The following NKAIN2 variants were observed in gnomAD, a reference collection of about 807,000 sequenced individuals.
NKAIN2 encodes sodium/potassium transporting ATPase interacting 2, also known as sodium/potassium-transporting ATPase subunit beta-1-interacting protein 2.
Under a neutral mutation model 32.6 loss-of-function variants are expected in NKAIN2, and 14 were observed. That is an observed-to-expected ratio of 0.43 (90% CI 0.28 to 0.67). The LOEUF (loss-of-function observed/expected upper bound fraction) is 0.67, where lower values mean the gene tolerates loss of function less well. Ranked by LOEUF, NKAIN2 falls within the 30% of genes least tolerant of loss-of-function variation. The probability of loss-of-function intolerance (pLI) is 0.17; values close to 1 mark genes in which losing one functional copy is unlikely to be tolerated. For synonymous variants in NKAIN2, 80 were observed against 87.2 expected (o/e 0.92, Z 0.46); for missense variants, 198 against 258.3 (o/e 0.77, Z 1.60).
chr6:124,690,602 T>A (rs1774209417), intron 4 of NKAIN2, among the ~76,000 whole-genome samples: 1 of 152,200 alleles, frequency 6.6e-6, no homozygotes, highest in South Asian at 2.1e-4. Context: ...TAACTTACAT[T>A]TCTAGTTTAA....
chr6:123,993,313 A>G (rs765083578), intron 1 of NKAIN2, among the ~76,000 whole-genome samples: 3 of 152,188 alleles, frequency 2.0e-5, no homozygotes, highest in Non-Finnish European at 2.9e-5. Context: ...TTTGATCCTT[A>G]TAAGGGAATC....
intron 4 of NKAIN2, among the ~76,000 whole-genome samples, chr6:124,735,950 G>A (rs79917962): frequency 0.01 from 1,524 of 151,966 alleles, 15 homozygotes; most frequent in African/African-American, 0.035. Context: ...GAAAGGTAGA[G>A]CCAAATGTCT....
At chr6:124,078,786 TTG>T (rs71021477) in intron 1 of NKAIN2, among the ~76,000 whole-genome samples, 61,295 of 144,514 alleles carry the variant, frequency 0.42, 13,234 homozygotes, top group Non-Finnish European at 0.5. Flanking sequence ...TATGTCGTTT[TTG>T]TGTGTGTGTG....
In NKAIN2 at chr6:124,066,017, A is replaced by G. The variant is rs145669964; in HGVS notation, c.55-216988A>G. ...GAGATTAAAGAGAAGGAAGTGGGGA[A>G]CAACATAAGTCAAGCTAGAGATGGC... is the stretch of plus-strand genomic sequence containing the variant. On this transcript the variant is annotated intron_variant, in intron 1 of 6. Coordinates refer to ENST00000368417, the MANE Select transcript of NKAIN2 (RefSeq NM_001040214.3). Among the ~76,000 whole-genome samples the G allele has an allele frequency of 1.3e-4, 20 of 152,242 alleles. No individual in the cohort carries two copies. The East Asian group carries it at 3.7e-3, about 28-fold the overall frequency.
chr6:124,714,369 G>T (rs1265001800), intron 4 of NKAIN2, among the ~76,000 whole-genome samples: 1 of 152,164 alleles, frequency 6.6e-6, no homozygotes, highest in Admixed American at 6.5e-5. Flanking sequence ...TATCAACTAG[G>T]ACACTTGCTA....
chr6:123,900,757 C>T, intron 1 of NKAIN2, among the ~76,000 whole-genome samples: 1 of 151,824 alleles, frequency 6.6e-6, no homozygotes, highest in Non-Finnish European at 1.5e-5. Context: ...ATTTTTATGT[C>T]AGAAGCTGAC....
intron 1 of NKAIN2, among the ~76,000 whole-genome samples, chr6:124,220,447 C>A (rs1207527293): frequency 2.0e-5 from 2 of 100,018 alleles, no homozygotes; most frequent in Admixed American, 1.1e-4. Flanking sequence ...TGTATGCACT[C>A]TCCTTTTTTT....
At chr6:124,799,527 T>C (rs141594822) in intron 5 of NKAIN2, among the ~76,000 whole-genome samples, 156 of 152,294 alleles carry the variant, frequency 1.0e-3, no homozygotes, top group African/African-American at 3.6e-3. Flanking sequence ...AAGTCAAGAA[T>C]ATGAGGGGAA....
chr6:124,599,603 A>T (rs1055024048), intron 3 of NKAIN2, among the ~76,000 whole-genome samples: 3 of 152,144 alleles, frequency 2.0e-5, no homozygotes, highest in Non-Finnish European at 4.4e-5. Flanking sequence ...AAGATGGTGG[A>T]TACTTCTTGG....
At chr6:124,753,789 G>A (rs1583797447) in intron 4 of NKAIN2, among the ~76,000 whole-genome samples, 1 of 151,940 alleles carries the variant, frequency 6.6e-6, no homozygotes, top group Non-Finnish European at 1.5e-5. Flanking sequence ...GGTGTAATTG[G>A]GGTTAATGGG....
intron 1 of NKAIN2, among the ~76,000 whole-genome samples, chr6:124,071,031 G>T (rs1039336888): frequency 2.6e-5 from 4 of 152,170 alleles, no homozygotes; most frequent in African/African-American, 9.6e-5. Flanking sequence ...TGGAAGTCAT[G>T]CTCTGGACAA....
At chr6:124,115,114 A>AT (rs1785549267) in intron 1 of NKAIN2, among the ~76,000 whole-genome samples, 1 of 152,178 alleles carries the variant, frequency 6.6e-6, no homozygotes, top group African/African-American at 2.4e-5. Flanking sequence ...GAAGTTTTGT[A>AT]TTGAGGTGTA....
chr6:124,020,147 A>T (rs1045826478), intron 1 of NKAIN2, among the ~76,000 whole-genome samples: 5 of 151,848 alleles, frequency 3.3e-5, no homozygotes, highest in African/African-American at 9.7e-5. Context: ...TTTCTCTGAG[A>T]CTCTGTGAAG....
At chr6:123,955,639 T>TATTTTATTTTATTTTATTTTA (rs1777542536) in intron 1 of NKAIN2, among the ~76,000 whole-genome samples, 2 of 151,744 alleles carry the variant, frequency 1.3e-5, no homozygotes, top group African/African-American at 4.8e-5. Flanking sequence ...TATTTTATTT[T>TATTTTATTTTATTTTATTTTA]TTGAGACAGG....
intron 1 of NKAIN2, among the ~76,000 whole-genome samples, chr6:123,958,945 G>A (rs1777720793): frequency 1.3e-5 from 2 of 152,168 alleles, no homozygotes; most frequent in Non-Finnish European, 2.9e-5. Context: ...GCAATTATAG[G>A]CCATTGGTAG....
chr6:124,259,528 C>CA (rs1414294067), intron 1 of NKAIN2, among the ~76,000 whole-genome samples: 2 of 152,098 alleles, frequency 1.3e-5, no homozygotes, highest in South Asian at 2.1e-4. Context: ...AATATGATAC[C>CA]AAAAAACATT....
Position 124,369,425 on chromosome 6 carries a change from CT to C in NKAIN2, c.273+14080del, listed in dbSNP as rs369415827. The stretch of plus-strand genomic sequence containing the variant: ...AGAATTATTTCCTATTAAGTGGCCC[CT>C]TAGGTCAAGCTTGTCCAATCCACAG... On this transcript the variant is annotated intron_variant, in intron 3 of 6. Transcript: ENST00000368417. Among the ~76,000 whole-genome samples, 70 of 152,262 alleles carry C rather than the reference CT, an allele frequency of 4.6e-4. 1 individual carries two copies. In the East Asian group the frequency reaches 0.011, roughly 24 times the overall value.
intron 3 of NKAIN2, among the ~76,000 whole-genome samples, chr6:124,403,691 A>G (rs953447799): frequency 6.6e-6 from 1 of 152,160 alleles, no homozygotes; most frequent in Non-Finnish European, 1.5e-5. Context: ...TTTATGTTTT[A>G]GTGGGAGGAG....
chr6:124,758,479 G>A (rs9372791), intron 4 of NKAIN2, among the ~76,000 whole-genome samples: 114,954 of 152,060 alleles, frequency 0.76, 44,180 homozygotes, highest in East Asian at 0.98. Context: ...CCCAGCCTGC[G>A]TAACTGTGAG....
Sources: gnomAD v4.1 joint callset for allele counts (sites outside exome capture counted in the v4.1 genomes callset) on GRCh38, gnomAD v4.1.1 for gene constraint, MANE v1.5 for transcripts, NCBI Gene and HGNC (gene_info 2026-07-23, HGNC 2026-07-21) for gene names.